The following CDYL variants were observed in gnomAD, a reference collection of about 807,000 sequenced individuals.
CDYL encodes chromodomain Y-like protein.
In CDYL, 8 loss-of-function variants were observed where a neutral mutation model predicts 47.3. The ratio of observed to expected loss-of-function variants is 0.17; its 90% CI spans 0.10 to 0.31. The LOEUF (loss-of-function observed/expected upper bound fraction) is 0.31. Ranked by LOEUF, CDYL falls within the 10% of genes least tolerant of loss-of-function variation. CDYL has a pLI of 1.00. For missense variants in CDYL, 471 were observed against 701.4 expected (o/e 0.67, Z 3.71); for synonymous variants, 266 against 265.0 (o/e 1.00, Z -0.04).
intron 1 of CDYL, among the ~76,000 whole-genome samples, chr6:4,805,151 C>T (rs1177645230): frequency 1.3e-5 from 2 of 152,162 alleles, no homozygotes; most frequent in East Asian, 1.9e-4. Context: ...AGTATATGCT[C>T]ATCAGTCAGT....
intron 1 of CDYL, among the ~76,000 whole-genome samples, chr6:4,877,326 A>T (rs1761647518): frequency 6.6e-6 from 1 of 152,114 alleles, no homozygotes; most frequent in South Asian, 2.1e-4. Flanking sequence ...GAAGTTTAAA[A>T]TTTTTTTAAT....
intron 1 of CDYL, among the ~76,000 whole-genome samples, chr6:4,831,416 C>G (rs1760140322): frequency 6.6e-6 from 1 of 152,108 alleles, no homozygotes; most frequent in South Asian, 2.1e-4. Context: ...TCTGAGAGCT[C>G]TGTTCTGTTC....
At chr6:4,821,143 T>A (rs1367244486) in intron 1 of CDYL, among the ~76,000 whole-genome samples, 1 of 151,924 alleles carries the variant, frequency 6.6e-6, no homozygotes, top group East Asian at 1.9e-4. Context: ...GCCTTTATGG[T>A]CCAAGTGAAA....
chr6:4,819,659 A>G (rs1282431913), intron 1 of CDYL, among the ~76,000 whole-genome samples: 1 of 152,124 alleles, frequency 6.6e-6, no homozygotes, highest in Non-Finnish European at 1.5e-5. Flanking sequence ...TTCTTCTCTG[A>G]TCTCATAATC....
At chr6:4,836,723 G>A (rs1304158817) in intron 1 of CDYL, among the ~76,000 whole-genome samples, 2 of 152,222 alleles carry the variant, frequency 1.3e-5, no homozygotes, top group Non-Finnish European at 2.9e-5. Flanking sequence ...TTTAGGGGCT[G>A]TTTCAGGCCT....
intron 1 of CDYL, among the ~76,000 whole-genome samples, chr6:4,879,019 T>C (rs921796533): frequency 2.0e-5 from 3 of 152,206 alleles, no homozygotes; most frequent in African/African-American, 7.2e-5. Context: ...GATATTGTTA[T>C]TGGTGTCTAA....
intron 2 of CDYL, among the ~76,000 whole-genome samples, chr6:4,933,345 G>T (rs538259372): frequency 6.6e-6 from 1 of 152,086 alleles, no homozygotes; most frequent in East Asian, 1.9e-4. Context: ...TCTCTCCCTC[G>T]CCTCCTCCCT....
chr6:4,898,723 G>T (rs1026988534), intron 2 of CDYL, among the ~76,000 whole-genome samples: 2 of 152,186 alleles, frequency 1.3e-5, no homozygotes, highest in Non-Finnish European at 2.9e-5. Context: ...CAGGCATAGA[G>T]CCCGTAGAGA....
At chr6:4,742,680 G>A (rs898423523) in intron 3 of CDYL, among the ~76,000 whole-genome samples, 1 of 152,230 alleles carries the variant, frequency 6.6e-6, no homozygotes, top group East Asian at 1.9e-4. Flanking sequence ...CTCCCTTTGG[G>A]GGCAGAGAAG....
chr6:4,716,593 AT>A (rs35154777), intron 2 of CDYL, among the ~76,000 whole-genome samples: 2,569 of 119,940 alleles, frequency 0.021, 16 homozygotes, highest in Middle Eastern at 0.046. Context: ...GGCAGCAATA[AT>A]TTTTTTTTTT....
chr6:4,767,988 A>T (rs1210596991), intron 3 of CDYL, among the ~76,000 whole-genome samples: 1 of 152,252 alleles, frequency 6.6e-6, no homozygotes, highest in African/African-American at 2.4e-5. Context: ...CAGATTATTG[A>T]TGAAGAGACC....
chr6:4,862,795 C>G (rs1317815055), intron 1 of CDYL, among the ~76,000 whole-genome samples: 1 of 152,190 alleles, frequency 6.6e-6, no homozygotes, highest in Non-Finnish European at 1.5e-5. Flanking sequence ...TATCTCTTCC[C>G]TTTCTCAAAG....
chr6:4,802,945 C>T (rs895951897), intron 1 of CDYL, among the ~76,000 whole-genome samples: 3 of 152,142 alleles, frequency 2.0e-5, no homozygotes, highest in African/African-American at 7.2e-5. Flanking sequence ...CCTCCCATTC[C>T]TCTCCTTCCC....
chr6:4,712,908 T>C (rs1757177755), intron 1 of CDYL, among the ~76,000 whole-genome samples: 1 of 152,176 alleles, frequency 6.6e-6, no homozygotes, highest in African/African-American at 2.4e-5. Flanking sequence ...CATTCCTGCA[T>C]CTGGGGTGGG....
At chr6:4,744,943 A>G (rs1757862561) in intron 3 of CDYL, among the ~76,000 whole-genome samples, 1 of 152,160 alleles carries the variant, frequency 6.6e-6, no homozygotes, top group South Asian at 2.1e-4. Flanking sequence ...TTATGAGGAA[A>G]GATATCTCAG....
chr6:4,928,558 A>G lies in CDYL; in HGVS notation c.692-6957A>G, dbSNP rs545482667. 12 of 152,258 alleles carry G rather than the reference A, an allele frequency of 7.9e-5. No individual in the cohort carries two copies. In the South Asian group the frequency reaches 2.3e-3, roughly 29 times the overall value. The allele number at this position is 152,258 out of a possible 1,614,324, so 9.4% of individuals were successfully genotyped here. The stretch of plus-strand genomic sequence containing the variant: ...AAGTAAGATTGTGCTTCCATGAGTA[A>G]TGGGTAAAATTGGTACGTGGTTTTG... On this transcript the variant is annotated intron_variant, in intron 2 of 6. Coordinates refer to ENST00000397588, the MANE Select transcript of CDYL (RefSeq NM_004824.4).
chr6:4,849,407 TTG>T (rs572735884), intron 1 of CDYL, among the ~76,000 whole-genome samples: 15 of 152,200 alleles, frequency 9.9e-5, no homozygotes, highest in Non-Finnish European at 2.1e-4. Flanking sequence ...CAAGTGCTTT[TTG>T]AGGTTAACAG....
At chr6:4,729,744 C>T (rs1245524185) in intron 2 of CDYL, among the ~76,000 whole-genome samples, 1 of 152,142 alleles carries the variant, frequency 6.6e-6, no homozygotes, top group South Asian at 2.1e-4. Flanking sequence ...AGGGTGAAAT[C>T]CTGTCTCTAC....
intron 1 of CDYL, among the ~76,000 whole-genome samples, chr6:4,882,131 G>A (rs555795784): frequency 3.8e-4 from 58 of 152,250 alleles, no homozygotes; most frequent in Non-Finnish European, 5.6e-4. Flanking sequence ...TGGGTACTGC[G>A]CTTGCTCCCA....
Sources: allele counts gnomAD v4.1 joint callset (sites outside exome capture counted in the v4.1 genomes callset), GRCh38; gene constraint gnomAD v4.1.1; transcripts MANE v1.5; gene names NCBI Gene and HGNC (gene_info 2026-07-23, HGNC 2026-07-21).